Variants in DPYD observed in about 807,000 individuals in gnomAD.
DPYD encodes the protein dihydropyrimidine dehydrogenase [NADP(+)].
DPYD carries 109 observed loss-of-function variants against 116.2 expected under a neutral mutation model. The observed-to-expected ratio is 0.94, with a 90% CI of 0.80 to 1.10. The LOEUF is 1.10. DPYD is among the 50% of genes least tolerant of loss of function. DPYD has a pLI of 0.00. For synonymous variants in DPYD, 440 were observed against 432.0 expected (o/e 1.02, Z -0.23); for missense variants, 1,302 against 1,254.5 (o/e 1.04, Z -0.57).
chr1:97,352,622 G>A lies in DPYD; in HGVS notation c.2058+20939C>T, dbSNP rs562310640. 4.0e-5 allele frequency among the ~76,000 whole-genome samples: 6 copies of A among 151,370 alleles called. No homozygotes were observed. The South Asian group carries it at 1.3e-3, about 32-fold the overall frequency. On this transcript the variant is annotated intron_variant, in intron 16 of 22. Transcript: ENST00000370192. ...GAACTGATCTACAGGGAAGAAATAGGTCTACACTGTTTTCAAAAAAAACTA... is the reference window on the plus strand; with the variant it reads ...GAACTGATCTACAGGGAAGAAATAGATCTACACTGTTTTCAAAAAAAACTA...
intron 20 of DPYD, among the ~76,000 whole-genome samples, chr1:97,158,902 A>C (rs1236184391): frequency 1.3e-5 from 2 of 152,176 alleles, no homozygotes; most frequent in African/African-American, 4.8e-5. Flanking sequence ...TAACTGCAGA[A>C]GGGGCAGAGT....
chr1:97,287,447 C>A (rs573487195), intron 18 of DPYD, among the ~76,000 whole-genome samples: 2 of 152,150 alleles, frequency 1.3e-5, no homozygotes, highest in Non-Finnish European at 2.9e-5. Flanking sequence ...AGAACCACTG[C>A]TCTCTTCAAA....
At position 97,737,075 on chromosome 1, in the gene DPYD, C is replaced by T. The variant is rs137873991; in HGVS notation, c.321+3317G>A. ...CCCAGGAAATCACTTATCTACTTTCCGTTTCTATATAGTTGTCTATTACGG... is the reference window on the plus strand; with the variant it reads ...CCCAGGAAATCACTTATCTACTTTCTGTTTCTATATAGTTGTCTATTACGG... On this transcript the variant is annotated intron_variant, in intron 4 of 22. Transcript: ENST00000370192. Among the ~76,000 whole-genome samples, 1,082 of 152,126 alleles carry T rather than the reference C, an allele frequency of 7.1e-3. 30 individuals carry two copies. The highest frequency in any genetic ancestry group is 4.9e-3 in the Non-Finnish European group (332 of 67,996).
chr1:97,527,512 T>C (rs1457516323), intron 12 of DPYD, among the ~76,000 whole-genome samples: 1 of 152,066 alleles, frequency 6.6e-6, no homozygotes, highest in Non-Finnish European at 1.5e-5. Context: ...AAAAATCTTA[T>C]CAAAAATAAA....
At chr1:97,635,728 C>G (rs991361106) in intron 8 of DPYD, among the ~76,000 whole-genome samples, 1 of 149,682 alleles carries the variant, frequency 6.7e-6, no homozygotes, top group African/African-American at 2.6e-5. Flanking sequence ...TACTGACATT[C>G]TCATTAACTC....
intron 12 of DPYD, among the ~76,000 whole-genome samples, chr1:97,540,362 CAAAACAAAACA>C (rs746998311): frequency 0.019 from 1,932 of 103,136 alleles, 29 homozygotes; most frequent in Non-Finnish European, 0.028. Context: ...GGGCAGGGAA[CAAAACAAAACA>C]AAACAAAACA....
Position 97,870,394 on chromosome 1 carries a change from G to A in DPYD, c.150+12870C>T, listed in dbSNP as rs189789218. Among the ~76,000 whole-genome samples, 191 of 151,858 alleles carry A rather than the reference G, an allele frequency of 1.3e-3. No homozygotes were observed. The Middle Eastern group carries it at 0.024, about 19-fold the overall frequency. Reference sequence around the variant, plus strand: ...CAGTTAGGATGTGTGGATCTTTATCGTGTTATATAAAAATACAAATATTTC... The same window carrying A: ...CAGTTAGGATGTGTGGATCTTTATCATGTTATATAAAAATACAAATATTTC... On this transcript the variant is annotated intron_variant, in intron 2 of 22. Transcript: ENST00000370192.
chr1:97,831,707 A>C (rs1669543302), intron 2 of DPYD, among the ~76,000 whole-genome samples: 1 of 152,014 alleles, frequency 6.6e-6, no homozygotes, highest in Non-Finnish European at 1.5e-5. Context: ...CAGCAGAAGA[A>C]AGGAAAAGGC....
At chr1:97,584,429 TC>T (rs575155681) in intron 10 of DPYD, among the ~76,000 whole-genome samples, 111 of 152,258 alleles carry the variant, frequency 7.3e-4, no homozygotes, top group African/African-American at 2.4e-3. Flanking sequence ...ATCCTATTTG[TC>T]AATTTTGGCT....
intron 12 of DPYD, among the ~76,000 whole-genome samples, chr1:97,536,323 T>C (rs1649993842): frequency 6.6e-6 from 1 of 152,230 alleles, no homozygotes; most frequent in Admixed American, 6.5e-5. Flanking sequence ...TTCATTGTTT[T>C]TCAACCTGAC....
chr1:97,451,092 A>T (rs1041761688), intron 13 of DPYD, among the ~76,000 whole-genome samples: 8 of 152,132 alleles, frequency 5.3e-5, no homozygotes, highest in Admixed American at 5.2e-4. Context: ...CCATCTTGTC[A>T]CTTTTAGTAA....
intron 20 of DPYD, among the ~76,000 whole-genome samples, chr1:97,130,020 C>T (rs1159982864): frequency 6.6e-6 from 1 of 152,154 alleles, no homozygotes; most frequent in Non-Finnish European, 1.5e-5. Flanking sequence ...AATAAAAAGG[C>T]ACTCACTGCC....
intron 10 of DPYD, among the ~76,000 whole-genome samples, chr1:97,581,893 T>C (rs1027991728): frequency 1.3e-5 from 2 of 151,714 alleles, no homozygotes; most frequent in African/African-American, 4.8e-5. Context: ...TTTGAAGAAG[T>C]GGGTGTGGAA....
chr1:97,582,005 A>G lies in DPYD; in HGVS notation c.1129-8035T>C, dbSNP rs72732338. Among the ~76,000 whole-genome samples the G allele has an allele frequency of 4.6e-3, 705 of 152,328 alleles. 10 individuals carry two copies. The highest frequency in any genetic ancestry group is 0.016 in the African/African-American group (653 of 41,574). On this transcript the variant is annotated intron_variant, in intron 10 of 22. Coordinates refer to ENST00000370192, the MANE Select transcript of DPYD (RefSeq NM_000110.4). ...ACTGGGAAACAAACTATTGTCATTT[A>G]TAAGTGGAAGAGTCCTTACCAATGG...
intron 21 of DPYD, among the ~76,000 whole-genome samples, chr1:97,091,257 A>G (rs905985763): frequency 2.6e-5 from 4 of 152,218 alleles, no homozygotes; most frequent in South Asian, 2.1e-4. Context: ...AGAGGAATCT[A>G]TAAAGAGGCC....
chr1:97,724,953 A>AGAGAGAGAG (rs1663152036), intron 4 of DPYD, among the ~76,000 whole-genome samples: 1 of 118,916 alleles, frequency 8.4e-6, no homozygotes, highest in Non-Finnish European at 1.7e-5. Context: ...GAGGGAAGGA[A>AGAGAGAGAG]AGAGAGAGAG....
chr1:97,133,628 T>TA lies in DPYD; in HGVS notation c.2623-34997dup, dbSNP rs1557882661. Among the ~76,000 whole-genome samples the TA allele has an allele frequency of 1.3e-5, 2 of 152,102 alleles. 1 individual carries two copies. Among genetic ancestry groups the TA allele is most frequent in the South Asian group, 4.1e-4 (2 of 4,826 alleles). Reference sequence around the variant, plus strand: ...CCATATCACAGAGCACACTGCAATTTAAAAAATCCTTTCCCATTGTTGTAT... The same window carrying TA: ...CCATATCACAGAGCACACTGCAATTTAAAAAAATCCTTTCCCATTGTTGTAT... On this transcript the variant is annotated intron_variant, in intron 20 of 22. Coordinates refer to ENST00000370192, the MANE Select transcript of DPYD (RefSeq NM_000110.4).
chr1:97,218,709 G>GA (rs1660581161), intron 19 of DPYD, among the ~76,000 whole-genome samples: 1 of 151,650 alleles, frequency 6.6e-6, no homozygotes, highest in African/African-American at 2.4e-5. Context: ...ATCAACACAA[G>GA]GAAAAAAGGA....
At chr1:97,746,482 A>G (rs1038513116) in intron 3 of DPYD, among the ~76,000 whole-genome samples, 1 of 152,092 alleles carries the variant, frequency 6.6e-6, no homozygotes, top group Non-Finnish European at 1.5e-5. Flanking sequence ...ATTTTAAACA[A>G]AGCTTGTCCT....
Sources: allele counts gnomAD v4.1 joint callset (sites outside exome capture counted in the v4.1 genomes callset), GRCh38; gene constraint gnomAD v4.1.1; transcripts MANE v1.5; gene names NCBI Gene and HGNC (gene_info 2026-07-23, HGNC 2026-07-21).